RTEL1: variants seen among roughly 807,000 people sequenced by gnomAD.
RTEL1 encodes the protein regulator of telomere length.
A neutral mutation model predicts 162.2 loss-of-function variants in RTEL1; 86 were observed. The ratio of observed to expected loss-of-function variants is 0.53; its 90% CI spans 0.45 to 0.63. RTEL1 has a LOEUF of 0.63. RTEL1 is among the 30% of genes least tolerant of loss of function. The probability of loss-of-function intolerance (pLI) is 0.00; values close to 1 mark genes in which losing one functional copy is unlikely to be tolerated. For synonymous variants in RTEL1, 958 were observed against 717.9 expected (o/e 1.33, Z -5.35); for missense variants, 1,941 against 1,750.2 (o/e 1.11, Z -1.95).
chr20:63,696,023 A>G lies in RTEL1; in HGVS notation c.*165A>G. The stretch of plus-strand genomic sequence containing the variant: ...GCCCATGGTTGGTCCCTGCGGTGGG[A>G]CCGGATCTGGGCCTGCCTCTGAGAA... On this transcript the variant is annotated 3_prime_UTR_variant, in exon 35 of 35. Coordinates refer to ENST00000360203, the MANE Select transcript of RTEL1 (RefSeq NM_001283009.2). 1 of 676,374 alleles carries G rather than the reference A, an allele frequency of 1.5e-6. No individual in the cohort carries two copies. Among genetic ancestry groups the G allele is most frequent in the Non-Finnish European group, 2.5e-6 (1 of 406,310 alleles). 41.9% of individuals were successfully genotyped at this position (676,374 alleles called of 1,614,324 possible).
At position 63,659,521 on chromosome 20, in the gene RTEL1, G is replaced by C. The variant is rs1305231385; in HGVS notation, c.102+17G>C. On this transcript the variant is annotated intron_variant, in intron 2 of 34. Transcript: ENST00000360203. The stretch of plus-strand genomic sequence containing the variant: ...CTGCAGCAGGTAGAGCACAGGCCCC[G>C]AGGAAAGGACTGCGGGTGGGTGGAG... 1 of 1,588,950 alleles carries C rather than the reference G, an allele frequency of 6.3e-7. No individual in the cohort carries two copies. Among genetic ancestry groups the C allele is most frequent in the East Asian group, 2.2e-5 (1 of 44,738 alleles).
intron 31 of RTEL1, 40 bp downstream of exon 31, chr20:63,694,528 G>A (rs2090919087): frequency 6.7e-7 from 1 of 1,496,736 alleles, no homozygotes; most frequent in Non-Finnish European, 9.2e-7. Flanking sequence ...ACGACTTGGT[G>A]GGTCCCTCAG....
rs2090968722 is a variant in RTEL1, at chr20:63,695,895, T to G, written c.*37T>G. The G allele has an allele frequency of 1.7e-5, 26 of 1,542,670 alleles. No homozygotes were observed. The highest frequency in any genetic ancestry group is 2.2e-5 in the Non-Finnish European group (25 of 1,141,230). On this transcript the variant is annotated 3_prime_UTR_variant, in exon 35 of 35. Coordinates refer to ENST00000360203, the MANE Select transcript of RTEL1 (RefSeq NM_001283009.2). ...GGCCCCCAGCACACCCAACGTGGCT[T>G]GATCACCTGCCTGTCCAGCTCTGGT...
In RTEL1 at chr20:63,693,320, C is replaced by T. The variant is rs139133112; in HGVS notation, c.2992+37C>T. 4.5e-3 allele frequency: 7,256 copies of T among 1,608,194 alleles called. 248 individuals carry two copies. In the African/African-American group the frequency reaches 0.075, roughly 17 times the overall value. On this transcript the variant is annotated intron_variant, in intron 30 of 34. Coordinates refer to ENST00000360203, the MANE Select transcript of RTEL1 (RefSeq NM_001283009.2). Reference sequence around the variant, plus strand: ...CCCAGGTGGGACCCTCAGACTCCTGCGTGGAAGGCAGTGTGGGCCAGAGTC... The same window carrying T: ...CCCAGGTGGGACCCTCAGACTCCTGTGTGGAAGGCAGTGTGGGCCAGAGTC...
intron 9 of RTEL1, 61 bp from the exon 10 acceptor site, chr20:63,673,879 G>T: frequency 6.5e-7 from 1 of 1,527,326 alleles, no homozygotes. Context: ...CCCCATTTCT[G>T]CTTTCTGGAA....
chr20:63,659,292 T>TG lies in RTEL1; in HGVS notation c.-111_-110insG. On this transcript the variant is annotated 5_prime_UTR_variant, in exon 2 of 35. The change creates a new upstream start codon in the 5' untranslated region. Coordinates refer to ENST00000360203, the MANE Select transcript of RTEL1 (RefSeq NM_001283009.2). ...TTGTGTCCCAGTGCACATGCTCGCA[T>TG]CGCTTACCAGGAGTGCCCGAGACCC... The TG allele has an allele frequency of 4.1e-6, 3 of 733,422 alleles. No homozygotes were observed. The East Asian group carries it at 7.8e-5, about 19-fold the overall frequency. 45.4% of individuals were successfully genotyped at this position (733,422 alleles called of 1,614,324 possible). A position where few individuals can be genotyped will look rare whatever the true frequency, so the allele number is the denominator to read the frequency against.
At position 63,694,424 on chromosome 20, in the gene RTEL1, G is replaced by C. The variant is rs2145471144; in HGVS notation, c.3045G>C (p.Gln1015His). The change falls in exon 31 of 35, where the codon CAG becomes CAC. Residue 1015 changes from glutamine (Q) to histidine (H), a missense_variant. Gln to His is a conservative substitution (Grantham distance 24). Transcript: ENST00000360203. Reference sequence around the variant, plus strand: ...CCGTGTCCACGGCTGCAGCCCAGCAGCTGGACCCCCAAGAGCACCTGAACC... The same window carrying C: ...CCGTGTCCACGGCTGCAGCCCAGCACCTGGACCCCCAAGAGCACCTGAACC... Reference protein sequence around the residue: ...KLTVSTAAAQQLDPQEHLNQG... With the variant: ...KLTVSTAAAQHLDPQEHLNQG... 1 of 1,612,382 alleles carries C rather than the reference G, an allele frequency of 6.2e-7. No homozygotes were observed. The highest frequency in any genetic ancestry group is 8.5e-7 in the Non-Finnish European group (1 of 1,179,656).
chr20:63,680,722 G>A lies in RTEL1; in HGVS notation c.1191+3G>A. ...AGAAGCTGGCGGACATTATCCAGGT[G>A]GGGCCTGCTCCTCTGTGGCATCTCC... is the stretch of plus-strand genomic sequence containing the variant. On this transcript the variant is annotated splice_donor_region_variant and intron_variant, in intron 14 of 34. Transcript: ENST00000360203. 6.2e-7 allele frequency: 1 copy of A among 1,613,382 alleles called. No homozygotes were observed. Among genetic ancestry groups the A allele is most frequent in the East Asian group, 2.2e-5 (1 of 44,888 alleles).
chr20:63,679,658 G>C (rs999186057), intron 12 of RTEL1, among the ~76,000 whole-genome samples, 191 bp from the exon 13 acceptor site: 4 of 152,142 alleles, frequency 2.6e-5, no homozygotes, highest in Non-Finnish European at 5.9e-5. Context: ...AACTTCCACA[G>C]TTGTTGCCTT....
chr20:63,691,618 C>T (rs1298911218), intron 27 of RTEL1, 124 bp from the exon 28 acceptor site: 2 of 783,932 alleles, frequency 2.6e-6, no homozygotes, highest in African/African-American at 1.7e-5. Flanking sequence ...CTGTGCCCCC[C>T]TCCCCCGACC....
At position 63,668,419 on chromosome 20, in the gene RTEL1, G is replaced by C. The variant is rs1191657977; in HGVS notation, c.699+866G>C. On this transcript the variant is annotated intron_variant, in intron 8 of 34. Transcript: ENST00000360203. This position sits in a 1 kb window ranked among gnomAD's most constrained non-coding sequence, Gnocchi z 4.3. ...CTCACATGGAGCTTTGATTCTAGTG[G>C]TGGGGACAGGTGGACAGCAAAAGAG... Among the ~76,000 whole-genome samples the C allele has an allele frequency of 6.6e-6, 1 of 152,202 alleles. No individual in the cohort carries two copies. The highest frequency in any genetic ancestry group is 1.5e-5 in the Non-Finnish European group (1 of 68,040).
intron 9 of RTEL1, among the ~76,000 whole-genome samples, 187 bp downstream of exon 9, chr20:63,672,808 G>A (rs2090271895): frequency 6.6e-6 from 1 of 152,220 alleles, no homozygotes; most frequent in Non-Finnish European, 1.5e-5. Context: ...TGCTGGGGCT[G>A]GAGACTGGCC....
chr20:63,685,710 G>A, intron 15 of RTEL1, 81 bp from the exon 16 acceptor site: 3 of 1,582,874 alleles, frequency 1.9e-6, no homozygotes, highest in Non-Finnish European at 8.6e-7. Flanking sequence ...GTGGGGCTGG[G>A]GGTCTTCTGG....
intron 4 of RTEL1, 84 bp from the exon 5 acceptor site, chr20:63,662,462 G>T: frequency 6.3e-6 from 10 of 1,588,362 alleles, no homozygotes; most frequent in Non-Finnish European, 8.6e-6. Context: ...GCTCCTGCGT[G>T]TCTCCATACA....
chr20:63,690,486 C>CTGGGGGGGGGGGGGGGGGGGG, intron 26 of RTEL1, 45 bp downstream of exon 26: 1 of 491,084 alleles, frequency 2.0e-6, no homozygotes, highest in Non-Finnish European at 3.3e-6. Flanking sequence ...GGTGGCGGAG[C>CTGGGGGGGGGGGGGGGGGGGG]GGGCGGCGTG....
At chr20:63,693,630 TCCACCACCACCACCTCCACCTCCACCA>T (rs2090871090) in intron 30 of RTEL1, among the ~76,000 whole-genome samples, 1 of 3,128 alleles carries the variant, frequency 3.2e-4, no homozygotes, top group African/African-American at 1.7e-3. Flanking sequence ...CACCACCACC[TCCACCACCACCACCTCCACCTCCACCA>T]CCACCTCCAC....
intron 30 of RTEL1, chr20:63,694,169 C>T (rs912324288): frequency 3.4e-6 from 2 of 590,152 alleles, no homozygotes; most frequent in East Asian, 2.8e-5. Context: ...GGGCTTTGGC[C>T]TGCCCGCCAC....
At position 63,692,905 on chromosome 20, in the gene RTEL1, C is replaced by A; in HGVS notation, c.2753C>A (p.Ala918Asp). The A allele has an allele frequency of 6.2e-7, 1 of 1,612,668 alleles. No homozygotes were observed. Among genetic ancestry groups the A allele is most frequent in the Non-Finnish European group, 8.5e-7 (1 of 1,179,872 alleles). Reference protein sequence around the residue: ...SQANFATFTQALQDYKGSDDF... With the variant: ...SQANFATFTQDLQDYKGSDDF... Reference sequence around the variant, plus strand: ...GCCAACTTTGCCACCTTCACCCAGGCCCTGCAGGACTACAAGGGTTCCGAT... The same window carrying A: ...GCCAACTTTGCCACCTTCACCCAGGACCTGCAGGACTACAAGGGTTCCGAT... The change falls in exon 29 of 35, where the codon GCC becomes GAC. Residue 918 changes from alanine (A) to aspartate (D), a missense_variant. Coordinates refer to ENST00000360203, the MANE Select transcript of RTEL1 (RefSeq NM_001283009.2).
chr20:63,689,931 C>T (rs573879412), intron 24 of RTEL1, 66 bp downstream of exon 24: 6 of 1,557,004 alleles, frequency 3.9e-6, no homozygotes, highest in African/African-American at 1.3e-5. Flanking sequence ...GGCCCCTGGA[C>T]TCTCCTTCCC....
Sources: allele counts gnomAD v4.1 joint callset (sites outside exome capture counted in the v4.1 genomes callset), GRCh38; gene constraint gnomAD v4.1.1; non-coding constraint Gnocchi (gnomAD v3.1); transcripts MANE v1.5; gene names NCBI Gene and HGNC (gene_info 2026-07-23, HGNC 2026-07-21).